The following PTPRD variants were observed in gnomAD, a reference collection of about 807,000 sequenced individuals.
The protein encoded by PTPRD is receptor-type tyrosine-protein phosphatase delta.
A neutral mutation model predicts 214.5 loss-of-function variants in PTPRD; 34 were observed. The observed-to-expected ratio is 0.16, with a 90% CI of 0.12 to 0.21. The LOEUF (loss-of-function observed/expected upper bound fraction) is 0.21, where lower values mean the gene tolerates loss of function less well. Among genes scored for constraint, PTPRD ranks in the 10% least tolerant of loss-of-function variants. The probability of loss-of-function intolerance (pLI) is 1.00; values close to 1 mark genes in which losing one functional copy is unlikely to be tolerated. For synonymous variants in PTPRD, 1,128 were observed against 845.7 expected, an observed-to-expected ratio of 1.33 and a Z score of -5.79; for missense variants, 2,545 against 2,398.7, an observed-to-expected ratio of 1.06 and a Z score of -1.27.
At chr9:9,709,818 A>G (rs1161248593) in intron 7 of PTPRD, among the ~76,000 whole-genome samples, 1 of 152,114 alleles carries the variant, frequency 6.6e-6, no homozygotes, top group Non-Finnish European at 1.5e-5. Context: ...GTAAATTTAG[A>G]GATATTCCAT....
At chr9:8,845,758 G>C (rs1377131842) in intron 11 of PTPRD, among the ~76,000 whole-genome samples, 1 of 152,136 alleles carries the variant, frequency 6.6e-6, no homozygotes, top group Non-Finnish European at 1.5e-5. Flanking sequence ...GCTTCACCAG[G>C]CACATTTACC....
chr9:9,849,183 G>A (rs373861941), intron 5 of PTPRD, among the ~76,000 whole-genome samples: 1 of 152,104 alleles, frequency 6.6e-6, no homozygotes, highest in African/African-American at 2.4e-5. Flanking sequence ...TGGGGAAATT[G>A]GTTCCCTGGG....
intron 7 of PTPRD, among the ~76,000 whole-genome samples, chr9:9,647,099 G>A (rs565431140): frequency 6.1e-4 from 93 of 152,016 alleles, no homozygotes; most frequent in African/African-American, 2.0e-3. Context: ...TAAATTTTTC[G>A]GGTCTGTTGT....
chr9:9,399,071 GTA>G (rs112709258), intron 8 of PTPRD, among the ~76,000 whole-genome samples: 38,461 of 151,736 alleles, frequency 0.25, 4,996 homozygotes, highest in Middle Eastern at 0.31. Context: ...GTAGTTACTC[GTA>G]TTAAGGTTTT....
At chr9:9,567,882 T>C (rs905074933) in intron 8 of PTPRD, among the ~76,000 whole-genome samples, 6 of 151,942 alleles carry the variant, frequency 3.9e-5, no homozygotes, top group African/African-American at 1.2e-4. Flanking sequence ...TTGCTGGCAA[T>C]AGGCAGAAGA....
At chr9:10,445,222 C>A (rs769230487) in intron 2 of PTPRD, among the ~76,000 whole-genome samples, 3 of 152,146 alleles carry the variant, frequency 2.0e-5, no homozygotes, top group Non-Finnish European at 4.4e-5. Flanking sequence ...GCTAAGCCCA[C>A]AAAGATCAAA....
chr9:10,094,103 A>T (rs2098459826), intron 3 of PTPRD, among the ~76,000 whole-genome samples: 1 of 145,696 alleles, frequency 6.9e-6, no homozygotes, highest in Non-Finnish European at 1.5e-5. Flanking sequence ...CGTTAAAAAT[A>T]AAATAAAATA....
chr9:8,741,028 T>C (rs560934378), intron 11 of PTPRD, among the ~76,000 whole-genome samples: 2 of 152,212 alleles, frequency 1.3e-5, no homozygotes, highest in African/African-American at 2.4e-5. Context: ...CTATAGTTTA[T>C]GATTCACTTT....
intron 7 of PTPRD, among the ~76,000 whole-genome samples, chr9:9,695,760 T>C (rs1022663163): frequency 1.3e-5 from 2 of 152,182 alleles, no homozygotes; most frequent in African/African-American, 4.8e-5. Context: ...TATATGATCA[T>C]GGTGATAGAT....
intron 9 of PTPRD, among the ~76,000 whole-genome samples, chr9:9,372,270 G>T (rs2059722786): frequency 6.6e-6 from 1 of 152,118 alleles, no homozygotes; most frequent in African/African-American, 2.4e-5. Context: ...AGGTCACAAA[G>T]GACTTGCTTT....
intron 12 of PTPRD, 152 bp from the exon 13 acceptor site, chr9:8,636,996 T>C: frequency 2.6e-6 from 2 of 769,564 alleles, no homozygotes; most frequent in Middle Eastern, 3.9e-4. Flanking sequence ...TAGAAAAGCA[T>C]CTTTTACTTT....
chr9:10,509,352 T>C (rs1049699119), intron 2 of PTPRD, among the ~76,000 whole-genome samples: 7 of 151,618 alleles, frequency 4.6e-5, no homozygotes, highest in African/African-American at 1.7e-4. Flanking sequence ...GATTCATAGA[T>C]ATGGATTTTA....
chr9:10,202,175 T>G (rs2099428713), intron 3 of PTPRD, among the ~76,000 whole-genome samples: 1 of 152,090 alleles, frequency 6.6e-6, no homozygotes, highest in African/African-American at 2.4e-5. Context: ...GTAAAATATA[T>G]GCTGCTCTTG....
chr9:9,285,769 T>C (rs551897867), intron 9 of PTPRD, among the ~76,000 whole-genome samples: 1 of 151,928 alleles, frequency 6.6e-6, no homozygotes, highest in African/African-American at 2.4e-5. Context: ...TGATCCTCAT[T>C]TGTTTCTTCA....
At chr9:10,071,894 C>G (rs2098026046) in intron 3 of PTPRD, among the ~76,000 whole-genome samples, 2 of 151,734 alleles carry the variant, frequency 1.3e-5, no homozygotes, top group Admixed American at 6.6e-5. Flanking sequence ...CTGTATCTTG[C>G]TTCAATTTTT....
intron 11 of PTPRD, among the ~76,000 whole-genome samples, chr9:8,742,911 G>A (rs1188297583): frequency 2.0e-5 from 3 of 152,104 alleles, no homozygotes; most frequent in East Asian, 3.9e-4. Context: ...GACAATTTTT[G>A]TTGTCACAGC....
chr9:8,808,969 T>G (rs1463789967), intron 11 of PTPRD, among the ~76,000 whole-genome samples: 2 of 151,844 alleles, frequency 1.3e-5, no homozygotes, highest in Non-Finnish European at 1.5e-5. Flanking sequence ...CACAAGTGCT[T>G]AAGCAAAAAA....
chr9:10,251,325 T>C (rs2092741961), intron 3 of PTPRD, among the ~76,000 whole-genome samples: 2 of 151,992 alleles, frequency 1.3e-5, no homozygotes, highest in African/African-American at 4.8e-5. Context: ...CTTTCACAGA[T>C]AAAAATTAAG....
intron 9 of PTPRD, among the ~76,000 whole-genome samples, chr9:9,312,122 A>T (rs1959177535): frequency 6.6e-6 from 1 of 152,208 alleles, no homozygotes; most frequent in Admixed American, 6.5e-5. Context: ...ATAAACATTA[A>T]GCTTGATTTC....
Sources: allele counts gnomAD v4.1 joint callset (sites outside exome capture counted in the v4.1 genomes callset), GRCh38; gene constraint gnomAD v4.1.1; transcripts MANE v1.5; gene names NCBI Gene and HGNC (gene_info 2026-07-23, HGNC 2026-07-21).